Variants in SLC4A4 observed in about 807,000 individuals in gnomAD.
SLC4A4 encodes solute carrier family 4 member 4.
In SLC4A4, 27 loss-of-function variants were observed where a neutral mutation model predicts 111.5. The ratio of observed to expected loss-of-function variants is 0.24; its 90% CI spans 0.18 to 0.33. The LOEUF (loss-of-function observed/expected upper bound fraction) is 0.33. Among genes scored for constraint, SLC4A4 ranks in the 10% least tolerant of loss-of-function variants. SLC4A4 has a pLI of 1.00. For synonymous variants in SLC4A4, 443 were observed against 463.4 expected (o/e 0.96, Z 0.57); for missense variants, 909 against 1,315.5 (o/e 0.69, Z 4.78).
intron 2 of SLC4A4, among the ~76,000 whole-genome samples, chr4:71,170,058 C>T (rs1165396832): frequency 1.3e-5 from 2 of 152,200 alleles, no homozygotes; most frequent in Non-Finnish European, 2.9e-5. Flanking sequence ...GCACATTCCC[C>T]AACATGCTCT....
chr4:71,185,161 T>C (rs1195620211), upstream of SLC4A4, among the ~76,000 whole-genome samples: 1 of 152,220 alleles, frequency 6.6e-6, no homozygotes, highest in Non-Finnish European at 1.5e-5. Context: ...AAAATGTGTT[T>C]CTTGGACTTT....
intron 7 of SLC4A4, among the ~76,000 whole-genome samples, chr4:71,428,619 T>A (rs552455436): frequency 5.1e-4 from 78 of 151,702 alleles, no homozygotes; most frequent in Non-Finnish European, 8.5e-4. Flanking sequence ...AATGGAAGGG[T>A]GGGGGACAGG....
In SLC4A4 at chr4:71,569,187, T is replaced by C. The variant is rs1348960010; in HGVS notation, c.*1436T>C. On this transcript the variant is annotated 3_prime_UTR_variant, in exon 26 of 26. Transcript: ENST00000264485. ...CACATATGAAAAAATCCATTAAGGG[T>C]CCAAGAAGTCTGTCCATATGAAAAT... The C allele has an allele frequency of 6.6e-6, 1 of 151,566 alleles. No individual in the cohort carries two copies. The highest frequency in any genetic ancestry group is 2.4e-5 in the African/African-American group (1 of 41,348). 9.4% of individuals were successfully genotyped at this position (151,566 alleles called of 1,614,324 possible).
intron 6 of SLC4A4, among the ~76,000 whole-genome samples, chr4:71,376,260 G>C (rs1213909016): frequency 6.6e-6 from 1 of 151,160 alleles, no homozygotes; most frequent in Non-Finnish European, 1.5e-5. Flanking sequence ...GGAGTGCAGT[G>C]GCGCGATATC....
chr4:71,098,351 T>C (rs1742620114), intron 2 of SLC4A4, among the ~76,000 whole-genome samples: 1 of 152,172 alleles, frequency 6.6e-6, no homozygotes, highest in African/African-American at 2.4e-5. Flanking sequence ...TGTGGTCTTA[T>C]TTCTAGGCTG....
intron 1 of SLC4A4, among the ~76,000 whole-genome samples, chr4:71,076,629 T>C (rs1163374482): frequency 2.0e-5 from 3 of 152,146 alleles, no homozygotes; most frequent in East Asian, 3.9e-4. Flanking sequence ...TCTGTGGCAG[T>C]TGGGAATGTA....
chr4:71,511,397 C>T (rs1731903247), intron 16 of SLC4A4, among the ~76,000 whole-genome samples: 1 of 151,786 alleles, frequency 6.6e-6, no homozygotes, highest in Non-Finnish European at 1.5e-5. Flanking sequence ...AATGTTTTCC[C>T]CTTATGCTCT....
At chr4:71,322,276 A>AT (rs1325436768) in intron 3 of SLC4A4, among the ~76,000 whole-genome samples, 1 of 151,916 alleles carries the variant, frequency 6.6e-6, no homozygotes, top group Non-Finnish European at 1.5e-5. Flanking sequence ...TATGGGTAGA[A>AT]TTTTTTTGGC....
intron 7 of SLC4A4, among the ~76,000 whole-genome samples, chr4:71,428,429 G>A (rs531568220): frequency 2.6e-5 from 4 of 152,072 alleles, no homozygotes; most frequent in African/African-American, 7.2e-5. Flanking sequence ...TAGTCATTAC[G>A]CCAGGACAAT....
chr4:71,347,745 A>G (rs1195800003), intron 4 of SLC4A4, among the ~76,000 whole-genome samples: 1 of 152,164 alleles, frequency 6.6e-6, no homozygotes. Context: ...GGCAGCTGAT[A>G]GAAGTGGGGG....
chr4:71,281,971 A>G (rs1367502911), intron 3 of SLC4A4, among the ~76,000 whole-genome samples: 3 of 148,204 alleles, frequency 2.0e-5, no homozygotes, highest in Non-Finnish European at 4.5e-5. Flanking sequence ...TGAGATGACT[A>G]TATGATACAA....
At chr4:71,225,651 A>C (rs1041264934) in intron 1 of SLC4A4, among the ~76,000 whole-genome samples, 1 of 152,176 alleles carries the variant, frequency 6.6e-6, no homozygotes, top group African/African-American at 2.4e-5. Context: ...AACCCGTTTC[A>C]GAAGGCATCT....
intron 4 of SLC4A4, among the ~76,000 whole-genome samples, chr4:71,347,960 A>G (rs577812414): frequency 6.6e-6 from 1 of 152,316 alleles, no homozygotes; most frequent in African/African-American, 2.4e-5. Context: ...AATTCTAGAT[A>G]ACTCTGACTT....
At chr4:71,224,940 G>T (rs569411295) in intron 1 of SLC4A4, among the ~76,000 whole-genome samples, 2 of 152,288 alleles carry the variant, frequency 1.3e-5, no homozygotes, top group South Asian at 4.1e-4. Flanking sequence ...TTTAAAGTGG[G>T]TGTGTGAAAA....
chr4:71,435,026 C>T (rs1045575303), intron 7 of SLC4A4, among the ~76,000 whole-genome samples: 3 of 152,144 alleles, frequency 2.0e-5, no homozygotes, highest in African/African-American at 7.2e-5. Context: ...ATGCTATTCC[C>T]ATCAAACTAC....
intron 3 of SLC4A4, among the ~76,000 whole-genome samples, chr4:71,320,411 C>T (rs934858061): frequency 1.3e-5 from 2 of 151,924 alleles, no homozygotes; most frequent in Non-Finnish European, 1.5e-5. Context: ...TGGCTTATCT[C>T]GTTCATCAGG....
At chr4:71,271,753 C>T (rs997965993) in intron 3 of SLC4A4, among the ~76,000 whole-genome samples, 1 of 152,160 alleles carries the variant, frequency 6.6e-6, no homozygotes, top group South Asian at 2.1e-4. Context: ...AAATTTGTAG[C>T]TACTCAATAA....
At chr4:71,240,770 G>C (rs931145515) in intron 2 of SLC4A4, among the ~76,000 whole-genome samples, 2 of 152,160 alleles carry the variant, frequency 1.3e-5, no homozygotes, top group African/African-American at 4.8e-5. Flanking sequence ...TAAAGCATAT[G>C]TAGAATCACT....
intron 3 of SLC4A4, among the ~76,000 whole-genome samples, chr4:71,267,931 G>A (rs1722408318): frequency 6.6e-6 from 1 of 151,606 alleles, no homozygotes; most frequent in African/African-American, 2.4e-5. Context: ...TTTAACCTGA[G>A]TTTAAATGGA....
Sources: allele counts gnomAD v4.1 joint callset (sites outside exome capture counted in the v4.1 genomes callset), GRCh38; gene constraint gnomAD v4.1.1; transcripts MANE v1.5; gene names NCBI Gene and HGNC (gene_info 2026-07-23, HGNC 2026-07-21).